TIA1: variants seen among roughly 807,000 people sequenced by gnomAD.
TIA1 encodes the protein TIA1 cytotoxic granule associated RNA binding protein, also known as cytotoxic granule associated RNA binding protein TIA1.
In TIA1, 23 loss-of-function variants were observed where a neutral mutation model predicts 65.9. The observed-to-expected ratio is 0.35, with a 90% CI of 0.25 to 0.49. The LOEUF (loss-of-function observed/expected upper bound fraction) is 0.49. Among genes scored for constraint, TIA1 ranks in the 20% least tolerant of loss-of-function variants. The pLI is 0.98. For missense variants in TIA1, 371 were observed against 477.9 expected (o/e 0.78, Z 2.09); for synonymous variants, 147 against 149.4 (o/e 0.98, Z 0.12).
intron 7 of TIA1, among the ~76,000 whole-genome samples, chr2:70,224,074 C>T (rs1247170902): frequency 6.6e-6 from 1 of 152,018 alleles, no homozygotes. Flanking sequence ...CCTGCCACCA[C>T]GCCCGGATAA....
Position 70,216,448 on chromosome 2 carries a change from C to A in TIA1, c.635G>T (p.Ser212Ile). 6.2e-7 allele frequency: 1 copy of A among 1,613,986 alleles called. No homozygotes were observed. Among genetic ancestry groups the A allele is most frequent in the South Asian group, 1.1e-5 (1 of 91,058 alleles). The change falls in exon 9 of 13, where the codon AGC (serine) becomes ATC (isoleucine). Residue 212 changes from serine to isoleucine, a missense_variant. Transcript: ENST00000433529. ...ACCTCCACAGTATACAGTACAGTTG[C>A]TTGGACTAGACTGATTTACAACCTC... ...YDEVVNQSSP[S>I]NCTVYCGGVT...
chr2:70,242,912 C>T (rs1403762795), intron 1 of TIA1, among the ~76,000 whole-genome samples: 1 of 152,176 alleles, frequency 6.6e-6, no homozygotes, highest in East Asian at 1.9e-4. Flanking sequence ...TTCCACAAAA[C>T]TGGTCTCGGT....
Position 70,209,926 on chromosome 2 carries a change from AAGATGTACAAGCAC to A in TIA1, c.*2779_*2792del, listed in dbSNP as rs1376256145. ...AGAACTATAACACACAAATAAAAGGAAGATGTACAAGCACAGGGACAAAACAGGAGGAAAATAAA... is the reference window on the plus strand; with the variant it reads ...AGAACTATAACACACAAATAAAAGGAAGGGACAAAACAGGAGGAAAATAAA... On this transcript the variant is annotated 3_prime_UTR_variant, in exon 13 of 13. Transcript: ENST00000433529. 1 of 388,684 alleles carries A rather than the reference AAGATGTACAAGCAC, an allele frequency of 2.6e-6. No homozygotes were observed. Among genetic ancestry groups the A allele is most frequent in the Non-Finnish European group, 4.5e-6 (1 of 220,210 alleles). 24.1% of individuals were successfully genotyped at this position (388,684 alleles called of 1,614,324 possible).
intron 2 of TIA1, among the ~76,000 whole-genome samples, chr2:70,234,600 C>T (rs572890352): frequency 2.6e-5 from 4 of 152,262 alleles, no homozygotes; most frequent in South Asian, 2.1e-4. Context: ...CTCCCTCTGT[C>T]GCCCAGGCTG....
chr2:70,214,580 A>G, intron 11 of TIA1, 86 bp from the exon 12 acceptor site: 1 of 1,036,512 alleles, frequency 9.6e-7, no homozygotes, highest in South Asian at 3.0e-5. Context: ...TAGCCAAAAC[A>G]CACAGGGCCA....
intron 2 of TIA1, among the ~76,000 whole-genome samples, chr2:70,233,359 AT>A (rs1687358644): frequency 6.6e-6 from 1 of 152,358 alleles, no homozygotes; most frequent in African/African-American, 2.4e-5. Context: ...TTGGGACTAT[AT>A]TTTGTCTAAA....
intron 1 of TIA1, among the ~76,000 whole-genome samples, chr2:70,245,269 G>A (rs1035546010): frequency 6.6e-6 from 1 of 152,196 alleles, no homozygotes; most frequent in African/African-American, 2.4e-5. Context: ...TTACAGGTGT[G>A]AGCCACCATG....
intron 1 of TIA1, 127 bp downstream of exon 1, chr2:70,248,278 C>T: frequency 1.8e-6 from 2 of 1,130,042 alleles, no homozygotes; most frequent in East Asian, 2.5e-5. Flanking sequence ...CAGGTGCATG[C>T]TAAGGAAACA....
In TIA1 at chr2:70,229,210, A is replaced by C. The variant is rs538593112; in HGVS notation, c.277+54T>G. On this transcript the variant is annotated intron_variant, in intron 4 of 12. Coordinates refer to ENST00000433529, the MANE Select transcript of TIA1 (RefSeq NM_022173.4). ...GTATGATGTTTATAGGCTTTACAATAAAACTACTGGGTACAATAAAAACAA... is the reference window on the plus strand; with the variant it reads ...GTATGATGTTTATAGGCTTTACAATCAAACTACTGGGTACAATAAAAACAA... 1.7e-5 allele frequency: 27 copies of C among 1,606,542 alleles called. No homozygotes were observed. The African/African-American group carries it at 3.3e-4, about 20-fold the overall frequency.
At chr2:70,239,929 C>T (rs910007768) in intron 1 of TIA1, among the ~76,000 whole-genome samples, 3 of 152,286 alleles carry the variant, frequency 2.0e-5, no homozygotes, top group Admixed American at 1.3e-4. Context: ...TAGAAAAGTT[C>T]TCCTTTACAG....
At chr2:70,214,621 G>C in intron 11 of TIA1, 127 bp from the exon 12 acceptor site, 11 of 439,402 alleles carry the variant, frequency 2.5e-5, no homozygotes, top group East Asian at 9.1e-5. Context: ...GGATAAACAA[G>C]AGTTGACTGC....
chr2:70,247,632 C>G (rs1024152461), intron 1 of TIA1, among the ~76,000 whole-genome samples: 4 of 152,072 alleles, frequency 2.6e-5, no homozygotes, highest in Non-Finnish European at 5.9e-5. Context: ...TTAACGCTAT[C>G]TCTAAAAATT....
At chr2:70,216,779 TTCTCA>T (rs1254906241) in intron 8 of TIA1, 102 bp downstream of exon 8, 1 of 1,605,532 alleles carries the variant, frequency 6.2e-7, no homozygotes. Flanking sequence ...CTTGATTTGC[TTCTCA>T]TCTATTTCTG....
chr2:70,230,673 T>C, intron 3 of TIA1, 83 bp downstream of exon 3: 1 of 1,107,704 alleles, frequency 9.0e-7, no homozygotes, highest in Non-Finnish European at 1.3e-6. Context: ...AAAAAGTGTT[T>C]AATGTTTCTA....
intron 1 of TIA1, among the ~76,000 whole-genome samples, chr2:70,238,190 C>A (rs1450779239): frequency 1.3e-5 from 2 of 149,230 alleles, no homozygotes; most frequent in African/African-American, 4.9e-5. Flanking sequence ...TACCATCAAA[C>A]CTAAAAGGCA....
chr2:70,218,791 T>TAA (rs1679889382), intron 7 of TIA1, among the ~76,000 whole-genome samples: 1 of 152,240 alleles, frequency 6.6e-6, no homozygotes, highest in Non-Finnish European at 1.5e-5. Context: ...AGTAAGGGGA[T>TAA]AAAGATACTT....
chr2:70,214,669 C>T (rs1183635778), intron 11 of TIA1, among the ~76,000 whole-genome samples, 175 bp from the exon 12 acceptor site: 2 of 137,146 alleles, frequency 1.5e-5, no homozygotes, highest in South Asian at 4.9e-4. Flanking sequence ...CAAAAAACAA[C>T]AACAAAACAA....
chr2:70,229,288 T>A lies in TIA1; in HGVS notation c.253A>T (p.Ser85Cys), dbSNP rs1440553110. The change falls in exon 4 of 13, where the codon AGC becomes TGC. Residue 85 changes from serine (S) to cysteine (C), a missense_variant. Transcript: ENST00000433529. ...CTGCTTGTATCTTTCTTTTGACTGC[T>A]AGGGGTTGTTGCCCAATTCACTTTG... ...EVKVNWATTP[S>C]SQKKDTSSST... The A allele has an allele frequency of 6.2e-7, 1 of 1,613,552 alleles. No homozygotes were observed. Among genetic ancestry groups the A allele is most frequent in the African/African-American group, 1.3e-5 (1 of 74,960 alleles).
Position 70,214,512 on chromosome 2 carries a change from G to T in TIA1, c.889-18C>A, listed in dbSNP as rs989138320. 1 of 1,588,754 alleles carries T rather than the reference G, an allele frequency of 6.3e-7. No homozygotes were observed. Among genetic ancestry groups the T allele is most frequent in the South Asian group, 1.1e-5 (1 of 88,010 alleles). ...TGATTCTGCTATTAAATAAAATTTA[G>T]TATTACTTGAAGTTAACTATATATA... On this transcript the variant is annotated intron_variant, in intron 11 of 12. Transcript: ENST00000433529.
Sources: gnomAD v4.1 joint callset for allele counts (sites outside exome capture counted in the v4.1 genomes callset) on GRCh38, gnomAD v4.1.1 for gene constraint, MANE v1.5 for transcripts, NCBI Gene and HGNC (gene_info 2026-07-23, HGNC 2026-07-21) for gene names.